The following GALNTL6 variants were observed in gnomAD, a reference collection of about 807,000 sequenced individuals.
GALNTL6 encodes the protein polypeptide N-acetylgalactosaminyltransferase like 6.
In GALNTL6, 46 loss-of-function variants were observed where a neutral mutation model predicts 73.7. The observed-to-expected ratio is 0.62, with a 90% confidence interval of 0.49 to 0.80. The LOEUF (loss-of-function observed/expected upper bound fraction) is 0.80, where lower values mean the gene tolerates loss of function less well. Among genes scored for constraint, GALNTL6 ranks in the 30% least tolerant of loss-of-function variants. GALNTL6 has a pLI of 0.00. For missense variants in GALNTL6, 604 were observed against 755.0 expected, an observed-to-expected ratio of 0.80 and a Z score of 2.34; for synonymous variants, 259 against 263.7, an observed-to-expected ratio of 0.98 and a Z score of 0.17.
intron 5 of GALNTL6, among the ~76,000 whole-genome samples, chr4:172,399,102 G>A (rs1743949278): frequency 6.6e-6 from 1 of 151,984 alleles, no homozygotes; most frequent in East Asian, 1.9e-4. Flanking sequence ...TAGTTAATCA[G>A]CCTACTGGAT....
intron 2 of GALNTL6, among the ~76,000 whole-genome samples, chr4:172,022,362 G>A (rs897057655): frequency 1.3e-5 from 2 of 151,916 alleles, no homozygotes; most frequent in African/African-American, 4.8e-5. Flanking sequence ...TCAACATCTT[G>A]CATTTCATCA....
intron 5 of GALNTL6, among the ~76,000 whole-genome samples, chr4:172,377,650 A>G (rs11132940): frequency 0.81 from 122,810 of 152,072 alleles, 50,473 homozygotes; most frequent in Non-Finnish European, 0.88. Context: ...GAGCTCGGTC[A>G]TGGTGGGCTG....
At chr4:172,605,877 G>T (rs772399886) in intron 5 of GALNTL6, among the ~76,000 whole-genome samples, 3 of 152,048 alleles carry the variant, frequency 2.0e-5, no homozygotes, top group Non-Finnish European at 4.4e-5. Flanking sequence ...AGAAAGAGGG[G>T]ATCCTGCAAA....
chr4:172,464,409 T>A (rs1732729422), intron 5 of GALNTL6, among the ~76,000 whole-genome samples: 1 of 152,092 alleles, frequency 6.6e-6, no homozygotes, highest in Non-Finnish European at 1.5e-5. Context: ...AATATGGTCA[T>A]AATTCAAGCC....
At chr4:172,423,842 T>C (rs1275025655) in intron 5 of GALNTL6, among the ~76,000 whole-genome samples, 2 of 152,060 alleles carry the variant, frequency 1.3e-5, no homozygotes, top group Non-Finnish European at 2.9e-5. Context: ...AGGGATAGTT[T>C]GATTTAATGG....
chr4:172,634,371 T>C (rs916141943), intron 5 of GALNTL6, among the ~76,000 whole-genome samples: 2 of 152,164 alleles, frequency 1.3e-5, no homozygotes, highest in African/African-American at 4.8e-5. Flanking sequence ...TATATAAAAA[T>C]CCAGATTTTC....
intron 5 of GALNTL6, among the ~76,000 whole-genome samples, chr4:172,462,860 G>A (rs1384948682): frequency 6.6e-6 from 1 of 152,150 alleles, no homozygotes; most frequent in Non-Finnish European, 1.5e-5. Flanking sequence ...TCAGAAGACA[G>A]AAATTTAGGG....
At chr4:172,640,336 T>C (rs938856368) in intron 5 of GALNTL6, among the ~76,000 whole-genome samples, 2 of 152,138 alleles carry the variant, frequency 1.3e-5, no homozygotes. Context: ...CCATACCTTT[T>C]ACTCATTCAA....
At chr4:172,917,309 A>G (rs1443866469) in intron 8 of GALNTL6, among the ~76,000 whole-genome samples, 1 of 152,226 alleles carries the variant, frequency 6.6e-6, no homozygotes, top group Admixed American at 6.5e-5. Context: ...AAGAAAACCT[A>G]GGAAATACCA....
chr4:172,090,532 A>G (rs1732173921), intron 2 of GALNTL6, among the ~76,000 whole-genome samples: 1 of 152,176 alleles, frequency 6.6e-6, no homozygotes, highest in Non-Finnish European at 1.5e-5. Context: ...TACTTTGCCC[A>G]CTTTTTGATG....
chr4:173,031,883 T>C (rs1428218783), intron 12 of GALNTL6, among the ~76,000 whole-genome samples: 1 of 152,160 alleles, frequency 6.6e-6, no homozygotes, highest in Non-Finnish European at 1.5e-5. Context: ...CACAAAACAC[T>C]GGGCACTATC....
At chr4:172,002,136 G>T (rs1740694462) in intron 2 of GALNTL6, among the ~76,000 whole-genome samples, 1 of 152,084 alleles carries the variant, frequency 6.6e-6, no homozygotes, top group Non-Finnish European at 1.5e-5. Context: ...ACTTCAACAG[G>T]TAGGCCTTAT....
intron 8 of GALNTL6, among the ~76,000 whole-genome samples, chr4:172,927,125 C>T (rs1448431191): frequency 7.9e-5 from 12 of 152,178 alleles, no homozygotes. Context: ...GTATCTTCTG[C>T]AATTACTCAG....
intron 5 of GALNTL6, among the ~76,000 whole-genome samples, chr4:172,355,172 G>T (rs1368391097): frequency 6.6e-6 from 1 of 151,972 alleles, no homozygotes; most frequent in African/African-American, 2.4e-5. Context: ...TTATTATGGA[G>T]ATAATATCTT....
chr4:172,399,555 C>T (rs1313735820), intron 5 of GALNTL6, among the ~76,000 whole-genome samples: 2 of 151,984 alleles, frequency 1.3e-5, no homozygotes, highest in African/African-American at 4.8e-5. Flanking sequence ...AAATCATTTT[C>T]AGGCCCCCAT....
intron 5 of GALNTL6, among the ~76,000 whole-genome samples, chr4:172,481,007 G>C (rs1340141074): frequency 1.3e-5 from 2 of 152,182 alleles, no homozygotes; most frequent in Non-Finnish European, 2.9e-5. Flanking sequence ...TCCAAAATTG[G>C]TGGGTTCTTG....
chr4:173,028,054 G>A (rs965211434), intron 12 of GALNTL6, among the ~76,000 whole-genome samples: 2 of 152,084 alleles, frequency 1.3e-5, no homozygotes, highest in Admixed American at 6.6e-5. Flanking sequence ...CATGTTCAAG[G>A]ATTATGTCTC....
intron 5 of GALNTL6, among the ~76,000 whole-genome samples, chr4:172,358,857 C>CAAAAAAAAAAA (rs56119441): frequency 5.4e-4 from 46 of 85,560 alleles, no homozygotes; most frequent in African/African-American, 7.0e-4. Context: ...ATTAAAAAGT[C>CAAAAAAAAAAA]AAAAAAAAAA....
At chr4:172,212,073 C>T (rs969839947) in intron 2 of GALNTL6, among the ~76,000 whole-genome samples, 3 of 152,272 alleles carry the variant, frequency 2.0e-5, no homozygotes, top group Non-Finnish European at 2.9e-5. Context: ...CGCCTTCTTC[C>T]CCCACCCACT....
Sources: gnomAD v4.1 joint callset for allele counts (sites outside exome capture counted in the v4.1 genomes callset) on GRCh38, gnomAD v4.1.1 for gene constraint, MANE v1.5 for transcripts, NCBI Gene and HGNC (gene_info 2026-07-23, HGNC 2026-07-21) for gene names.